The following USP22 variants were observed in gnomAD, a reference collection of about 807,000 sequenced individuals.
USP22 encodes the protein ubiquitin carboxyl-terminal hydrolase 22.
A neutral mutation model predicts 68.1 loss-of-function variants in USP22; 22 were observed. That is an observed-to-expected ratio of 0.32 (90% confidence interval 0.23 to 0.46). The LOEUF (loss-of-function observed/expected upper bound fraction) is 0.46, where lower values mean the gene tolerates loss of function less well. Ranked by LOEUF, USP22 falls within the 20% of genes least tolerant of loss-of-function variation. The pLI is 1.00. For missense variants in USP22, 433 were observed against 695.8 expected (o/e 0.62, Z 4.25); for synonymous variants, 279 against 274.2 (o/e 1.02, Z -0.17).
At chr17:21,014,789 C>T (rs1597692169) in intron 6 of USP22, among the ~76,000 whole-genome samples, 1 of 152,164 alleles carries the variant, frequency 6.6e-6, no homozygotes, top group South Asian at 2.1e-4. Flanking sequence ...ATATCGGCTA[C>T]AACTAGCTGT....
intron 1 of USP22, among the ~76,000 whole-genome samples, chr17:21,037,143 A>T (rs570753909): frequency 1.3e-5 from 2 of 152,356 alleles, no homozygotes; most frequent in East Asian, 3.8e-4. Flanking sequence ...ACAGCACTGG[A>T]TGATAACCCA....
chr17:21,036,715 T>TG (rs1019147336), intron 1 of USP22, among the ~76,000 whole-genome samples: 15 of 152,250 alleles, frequency 9.9e-5, no homozygotes, highest in Admixed American at 7.8e-4. Context: ...GGATTAGAGT[T>TG]GGAGATATAA....
intron 2 of USP22, among the ~76,000 whole-genome samples, chr17:21,028,281 G>A (rs1972246880): frequency 6.6e-6 from 1 of 152,148 alleles, no homozygotes; most frequent in Non-Finnish European, 1.5e-5. Flanking sequence ...CAGGGACAGT[G>A]CAACTTTTCA....
chr17:21,006,862 T>G (rs1375477206), intron 10 of USP22, 34 bp downstream of exon 10: 1 of 1,536,012 alleles, frequency 6.5e-7, no homozygotes. Flanking sequence ...TCACAGCCCC[T>G]CAGGACACAG....
Position 21,007,996 on chromosome 17 carries a change from T to C in USP22, c.1104A>G (p.Arg368=), listed in dbSNP as rs1455178146. 6.2e-7 allele frequency: 1 copy of C among 1,613,406 alleles called. No individual in the cohort carries two copies. Among genetic ancestry groups the C allele is most frequent in the South Asian group, 1.1e-5 (1 of 90,964 alleles). Residue 368 remains arginine, a splice_region_variant and synonymous_variant, in exon 9 of 13, where the codon CGA becomes CGG. Transcript: ENST00000261497. ...GTTTLTDCLR[R]FTRPEHLGSS... Reference sequence around the variant, plus strand: ...TGCCCAAGTGCTCTGGTCTGGTGAATCTACAGGCGTTCAAAAAAGACAGGA... The same window carrying C: ...TGCCCAAGTGCTCTGGTCTGGTGAACCTACAGGCGTTCAAAAAAGACAGGA...
At chr17:21,010,702 T>G (rs1962101224) in intron 8 of USP22, among the ~76,000 whole-genome samples, 1 of 151,826 alleles carries the variant, frequency 6.6e-6, no homozygotes, top group African/African-American at 2.4e-5. Flanking sequence ...ATATTATTAC[T>G]TATCCCAAAT....
chr17:21,014,068 G>T (rs932626646), intron 6 of USP22, among the ~76,000 whole-genome samples: 2 of 152,166 alleles, frequency 1.3e-5, no homozygotes, highest in Non-Finnish European at 2.9e-5. Flanking sequence ...GCGAGACTCT[G>T]ACTCAAAAAC....
At chr17:21,012,469 A>G (rs1913999949) in intron 7 of USP22, among the ~76,000 whole-genome samples, 1 of 152,274 alleles carries the variant, frequency 6.6e-6, no homozygotes, top group East Asian at 1.9e-4. Context: ...CGAAGCACGT[A>G]GAAAAACAAT....
rs1913535871 is a variant in USP22, at chr17:21,000,661, CTG to C, written c.*2368_*2369del. On this transcript the variant is annotated 3_prime_UTR_variant, in exon 13 of 13. Coordinates refer to ENST00000261497, the MANE Select transcript of USP22 (RefSeq NM_015276.2). The stretch of plus-strand genomic sequence containing the variant: ...GCACTCCGCAAGACACCCCAGTAAA[CTG>C]GGGCGTCCCAAGGTGGCAAGCCTTC... The C allele has an allele frequency of 6.9e-6, 1 of 144,072 alleles. No homozygotes were observed. Among genetic ancestry groups the C allele is most frequent in the African/African-American group, 2.5e-5 (1 of 40,774 alleles). 8.9% of individuals were successfully genotyped at this position (144,072 alleles called of 1,614,324 possible).
intron 4 of USP22, chr17:21,018,369 C>G (rs919049287): frequency 2.9e-6 from 1 of 344,528 alleles, no homozygotes; most frequent in Non-Finnish European, 5.3e-6. Flanking sequence ...ATAGTTTCTA[C>G]GACAACAGGC....
rs774997981 is a variant in USP22 at position 21,021,229 on chromosome 17, G to A, written c.305-3C>T. On this transcript the variant is annotated splice_polypyrimidine_tract_variant and splice_region_variant and intron_variant, in intron 2 of 12. Coordinates refer to ENST00000261497, the MANE Select transcript of USP22 (RefSeq NM_015276.2). ...GCCTCCGTACATCAGATCAATGGCT[G>A]AGGAGAGAAAGGAGGGAGGAGAAAC... The A allele has an allele frequency of 1.3e-6, 2 of 1,597,670 alleles. No homozygotes were observed. Among genetic ancestry groups the A allele is most frequent in the South Asian group, 2.2e-5 (2 of 90,668 alleles).
At chr17:21,029,045 G>C (rs1414909368) in intron 1 of USP22, among the ~76,000 whole-genome samples, 2 of 149,456 alleles carry the variant, frequency 1.3e-5, no homozygotes, top group African/African-American at 5.0e-5. Flanking sequence ...CATCATTTCA[G>C]ATTTGCAAAT....
At chr17:21,021,326 A>ACTGTTCACAGCACCTTC in intron 2 of USP22, 100 bp from the exon 3 acceptor site, 1 of 761,118 alleles carries the variant, frequency 1.3e-6, no homozygotes, top group Non-Finnish European at 2.3e-6. Flanking sequence ...GTAGATACTG[A>ACTGTTCACAGCACCTTC]CTGTTCACAG....
rs1913575258 is a variant in USP22 at position 21,001,487 on chromosome 17, C to T, written c.*1544G>A. On this transcript the variant is annotated 3_prime_UTR_variant, in exon 13 of 13. Transcript: ENST00000261497. ...AAAATCTAAGTTTCTTGACACAGAACAATATATGTCATTCAGATTTCTGTG... is the reference window on the plus strand; with the variant it reads ...AAAATCTAAGTTTCTTGACACAGAATAATATATGTCATTCAGATTTCTGTG... 6.6e-6 allele frequency: 1 copy of T among 152,152 alleles called. No individual in the cohort carries two copies. The highest frequency in any genetic ancestry group is 2.4e-5 in the African/African-American group (1 of 41,438). The allele number at this position is 152,152 out of a possible 1,614,324, so 9.4% of individuals were successfully genotyped here.
intron 11 of USP22, 44 bp from the exon 12 acceptor site, chr17:21,004,395 G>A (rs1227669900): frequency 2.5e-6 from 4 of 1,606,320 alleles, no homozygotes; most frequent in African/African-American, 1.3e-5. Context: ...GTGACTTGAT[G>A]CCGTCACTTG....
At chr17:21,036,679 A>T (rs1972362260) in intron 1 of USP22, among the ~76,000 whole-genome samples, 1 of 152,156 alleles carries the variant, frequency 6.6e-6, no homozygotes, top group Admixed American at 6.6e-5. Context: ...ACTGGAGGGG[A>T]AGGCTAGAAT....
In USP22 at chr17:20,999,924, C is replaced by T. The variant is rs114342930; in HGVS notation, c.*3107G>A. The T allele has an allele frequency of 0.018, 2,810 of 152,418 alleles. 73 individuals carry two copies. Among genetic ancestry groups the T allele is most frequent in the African/African-American group, 0.063 (2,633 of 41,560 alleles). 9.4% of individuals were successfully genotyped at this position (152,418 alleles called of 1,614,324 possible). A position where few individuals can be genotyped will look rare whatever the true frequency, so the allele number is the denominator to read the frequency against. ...GGGAATGCCCAGGGAGGCTGCAGTG[C>T]TCACCACGAAGCCCAGGTCCACGGA... On this transcript the variant is annotated 3_prime_UTR_variant, in exon 13 of 13. Transcript: ENST00000261497.
At chr17:21,043,121 T>TCCC (rs1277714053), upstream of USP22, 1 of 27,746 alleles carries the variant, frequency 3.6e-5, no homozygotes, top group Non-Finnish European at 7.2e-5. Flanking sequence ...GGAGATTACG[T>TCCC]CACCCCCCCC....
intron 10 of USP22, 63 bp from the exon 11 acceptor site, chr17:21,005,053 C>T: frequency 1.3e-6 from 2 of 1,573,464 alleles, no homozygotes; most frequent in Admixed American, 1.7e-5. Flanking sequence ...ACACAAGGCT[C>T]TCGTGAAACC....
Sources: allele counts gnomAD v4.1 joint callset (sites outside exome capture counted in the v4.1 genomes callset), GRCh38; gene constraint gnomAD v4.1.1; transcripts MANE v1.5; gene names NCBI Gene and HGNC (gene_info 2026-07-23, HGNC 2026-07-21).